RNF150: variants seen among roughly 807,000 people sequenced by gnomAD.
RNF150 encodes ring finger protein 150.
RNF150 carries 24 observed loss-of-function variants against 39.3 expected under a neutral mutation model. That is an observed-to-expected ratio of 0.61 (90% confidence interval 0.44 to 0.86). RNF150 has a LOEUF of 0.86. Ranked by LOEUF, RNF150 falls within the 40% of genes least tolerant of loss-of-function variation. RNF150 has a pLI of 0.00. For missense variants in RNF150, 502 were observed against 587.8 expected (o/e 0.85, Z 1.51); for synonymous variants, 255 against 227.3 (o/e 1.12, Z -1.10).
chr4:140,975,796 C>T (rs1733641204), intron 1 of RNF150, among the ~76,000 whole-genome samples: 1 of 152,162 alleles, frequency 6.6e-6, no homozygotes, highest in South Asian at 2.1e-4. Context: ...ATGAGGCTTC[C>T]CATGAGGGCA....
intron 6 of RNF150, among the ~76,000 whole-genome samples, chr4:140,885,137 T>C (rs993536832): frequency 2.0e-5 from 3 of 151,920 alleles, no homozygotes; most frequent in African/African-American, 7.3e-5. Flanking sequence ...GGCTGTACTG[T>C]TTTTCCATCT....
intron 1 of RNF150, among the ~76,000 whole-genome samples, chr4:141,122,219 C>T (rs1283834826): frequency 6.6e-6 from 1 of 152,212 alleles, no homozygotes; most frequent in Non-Finnish European, 1.5e-5. Flanking sequence ...CAGCATCCCC[C>T]AGACACAGAG....
intron 5 of RNF150, among the ~76,000 whole-genome samples, chr4:140,911,715 C>T (rs1560961444): frequency 6.6e-6 from 1 of 152,042 alleles, no homozygotes; most frequent in Non-Finnish European, 1.5e-5. Flanking sequence ...ATTATTTATT[C>T]CACACCTAGA....
At chr4:140,921,043 G>T (rs547254057) in intron 5 of RNF150, among the ~76,000 whole-genome samples, 86 of 151,222 alleles carry the variant, frequency 5.7e-4, no homozygotes, top group African/African-American at 1.8e-3. Flanking sequence ...GTTGTGGCGT[G>T]GGAGGAGGGA....
At chr4:141,152,161 T>C (rs776210255) in intron 1 of RNF150, among the ~76,000 whole-genome samples, 5 of 152,208 alleles carry the variant, frequency 3.3e-5, no homozygotes, top group Non-Finnish European at 7.4e-5. Context: ...AGCTGTGAAA[T>C]TTTATTACAG....
intron 1 of RNF150, among the ~76,000 whole-genome samples, chr4:141,104,447 A>T (rs951925672): frequency 5.9e-5 from 9 of 152,218 alleles, no homozygotes; most frequent in African/African-American, 2.2e-4. Context: ...GAAGAATGAA[A>T]GGCTCTCATT....
intron 1 of RNF150, among the ~76,000 whole-genome samples, chr4:141,023,277 G>C (rs1453364346): frequency 1.3e-5 from 2 of 152,006 alleles, no homozygotes; most frequent in Non-Finnish European, 2.9e-5. Context: ...ATGGAGTCTT[G>C]CTCTGTCACC....
intron 6 of RNF150, among the ~76,000 whole-genome samples, chr4:140,908,524 A>C (rs1730477355): frequency 1.3e-5 from 2 of 152,132 alleles, no homozygotes; most frequent in South Asian, 4.2e-4. Context: ...CATCTTTACC[A>C]GTAGCTTCCT....
intron 1 of RNF150, among the ~76,000 whole-genome samples, chr4:141,020,316 G>A (rs1321558431): frequency 1.3e-5 from 2 of 152,050 alleles, no homozygotes; most frequent in African/African-American, 4.8e-5. Flanking sequence ...ATGCACACAT[G>A]CAAATGTGAT....
In RNF150 at chr4:141,063,903, T is replaced by TA. The variant is rs373068516; in HGVS notation, c.484+68421dup. Among the ~76,000 whole-genome samples, 359 of 151,796 alleles carry TA rather than the reference T, an allele frequency of 2.4e-3. 1 individual carries two copies. The highest frequency in any genetic ancestry group is 8.2e-3 in the African/African-American group (339 of 41,370). On this transcript the variant is annotated intron_variant, in intron 1 of 6. Coordinates refer to ENST00000515673, the MANE Select transcript of RNF150 (RefSeq NM_020724.2). ...TTATATAACCAGTAGTCAGACCCTT[T>TA]ATTCTAGCCAAAGGTTTTGGCCTTA...
chr4:140,891,539 A>C (rs1402597059), intron 6 of RNF150, among the ~76,000 whole-genome samples: 1 of 151,564 alleles, frequency 6.6e-6, no homozygotes, highest in Non-Finnish European at 1.5e-5. Context: ...TTCTTTCCAA[A>C]CTCCTCCATT....
chr4:140,984,837 C>T (rs1174541744), intron 1 of RNF150, among the ~76,000 whole-genome samples: 2 of 152,142 alleles, frequency 1.3e-5, no homozygotes, highest in African/African-American at 4.8e-5. Context: ...TAGTGAAACT[C>T]TGCTGCACAT....
intron 6 of RNF150, among the ~76,000 whole-genome samples, chr4:140,894,953 G>A (rs1036867831): frequency 1.3e-5 from 2 of 152,144 alleles, no homozygotes; most frequent in Non-Finnish European, 2.9e-5. Context: ...GATACCAAGG[G>A]AGCATCTTCA....
intron 6 of RNF150, among the ~76,000 whole-genome samples, chr4:140,896,693 AAAAAAAAC>A (rs1729959204): frequency 2.2e-5 from 2 of 88,960 alleles, no homozygotes; most frequent in African/African-American, 4.0e-5. Context: ...ATAATAAAAA[AAAAAAAAC>A]AAAAAAACAA....
chr4:141,131,349 G>T (rs1300946462), intron 1 of RNF150, among the ~76,000 whole-genome samples: 1 of 152,274 alleles, frequency 6.6e-6, no homozygotes, highest in Non-Finnish European at 1.5e-5. Context: ...CCCCTTTGGG[G>T]AAGGAGGGCC....
upstream of RNF150, among the ~76,000 whole-genome samples, chr4:141,134,557 C>T (rs1177055898): frequency 6.6e-6 from 1 of 152,164 alleles, no homozygotes; most frequent in Non-Finnish European, 1.5e-5. Flanking sequence ...TTCTCTTTTT[C>T]CGGCAGCAGT....
intron 2 of RNF150, among the ~76,000 whole-genome samples, chr4:140,954,002 G>T (rs1286285419): frequency 2.6e-5 from 4 of 152,104 alleles, no homozygotes; most frequent in Admixed American, 6.6e-5. Flanking sequence ...ATTGGAACCG[G>T]AAGTCTATTA....
chr4:140,983,819 A>G (rs1380563336), intron 1 of RNF150, among the ~76,000 whole-genome samples: 1 of 149,168 alleles, frequency 6.7e-6, no homozygotes, highest in Non-Finnish European at 1.5e-5. Flanking sequence ...GTATCACTGC[A>G]GCCTCTGCCT....
chr4:141,119,447 C>T (rs1242159061), intron 1 of RNF150, among the ~76,000 whole-genome samples: 1 of 152,174 alleles, frequency 6.6e-6, no homozygotes, highest in Non-Finnish European at 1.5e-5. Flanking sequence ...ATGCCCATAT[C>T]CCAGTAAGAT....
Sources: allele counts gnomAD v4.1 joint callset (sites outside exome capture counted in the v4.1 genomes callset), GRCh38; gene constraint gnomAD v4.1.1; transcripts MANE v1.5; gene names NCBI Gene and HGNC (gene_info 2026-07-23, HGNC 2026-07-21).